The following PELI2 variants were observed in gnomAD, a reference collection of about 807,000 sequenced individuals.
PELI2 encodes the protein pellino E3 ubiquitin protein ligase family member 2.
PELI2 carries 23 observed loss-of-function variants against 42.3 expected under a neutral mutation model. That is an observed-to-expected ratio of 0.54 (90% CI 0.39 to 0.77). The LOEUF is 0.77. Among genes scored for constraint, PELI2 ranks in the 30% least tolerant of loss-of-function variants. The pLI is 0.00. For synonymous variants in PELI2, 245 were observed against 212.2 expected, an observed-to-expected ratio of 1.15 and a Z score of -1.34; for missense variants, 463 against 553.2, an observed-to-expected ratio of 0.84 and a Z score of 1.64.
At chr14:56,198,418 A>G (rs1886217816) in intron 2 of PELI2, among the ~76,000 whole-genome samples, 1 of 152,178 alleles carries the variant, frequency 6.6e-6, no homozygotes, top group Non-Finnish European at 1.5e-5. Context: ...AGAGCGTGGC[A>G]TCATGGAGCA....
intron 2 of PELI2, among the ~76,000 whole-genome samples, chr14:56,271,942 C>T (rs1889120779): frequency 6.6e-6 from 1 of 152,162 alleles, no homozygotes; most frequent in Non-Finnish European, 1.5e-5. Flanking sequence ...AAGGCAAGTG[C>T]AGTGGGCAGC....
chr14:56,258,296 C>G (rs191590591), intron 2 of PELI2, among the ~76,000 whole-genome samples: 17 of 151,840 alleles, frequency 1.1e-4, no homozygotes, highest in African/African-American at 1.9e-4. Context: ...ACCGCCCCCC[C>G]ACCCCCGCAA....
chr14:56,217,115 C>T (rs561569143), intron 2 of PELI2, among the ~76,000 whole-genome samples: 1 of 152,286 alleles, frequency 6.6e-6, no homozygotes, highest in East Asian at 1.9e-4. Context: ...TCTTTTGTTA[C>T]ATTATAGTTG....
Position 56,118,602 on chromosome 14 carries a change from C to T in PELI2, c.-59C>T, listed in dbSNP as rs1882936399. On this transcript the variant is annotated 5_prime_UTR_variant, in exon 1 of 6. Coordinates refer to ENST00000267460, the MANE Select transcript of PELI2 (RefSeq NM_021255.3). The stretch of plus-strand genomic sequence containing the variant: ...GATTGTAGCGGCGGCGCGGACTCGG[C>T]GGGGATCGCGGCGGAGGCGGCGGCG... The T allele has an allele frequency of 5.3e-6, 6 of 1,121,940 alleles. No homozygotes were observed. The highest frequency in any genetic ancestry group is 4.2e-5 in the Admixed American group (1 of 23,808). The allele number at this position is 1,121,940 out of a possible 1,614,324, so 69.5% of individuals were successfully genotyped here.
At chr14:56,256,629 T>G (rs1888535540) in intron 2 of PELI2, among the ~76,000 whole-genome samples, 1 of 152,222 alleles carries the variant, frequency 6.6e-6, no homozygotes, top group Non-Finnish European at 1.5e-5. Context: ...AAGTCTGCTT[T>G]TCTTATTTAA....
At chr14:56,138,298 A>C (rs1008242816) in intron 1 of PELI2, among the ~76,000 whole-genome samples, 1 of 152,244 alleles carries the variant, frequency 6.6e-6, no homozygotes, top group African/African-American at 2.4e-5. Context: ...GCCACATCTC[A>C]AAACAGATAG....
intron 2 of PELI2, among the ~76,000 whole-genome samples, chr14:56,200,268 C>G (rs868607104): frequency 6.6e-6 from 1 of 152,274 alleles, no homozygotes; most frequent in Admixed American, 6.5e-5. Flanking sequence ...CAGGTAATAT[C>G]TATGGCCACC....
chr14:56,230,290 C>T, intron 2 of PELI2, among the ~76,000 whole-genome samples: 1 of 152,106 alleles, frequency 6.6e-6, no homozygotes. Context: ...CTCCAAGACA[C>T]ATGATTGTCA....
At chr14:56,202,876 A>G (rs1183689622) in intron 2 of PELI2, among the ~76,000 whole-genome samples, 2 of 152,226 alleles carry the variant, frequency 1.3e-5, no homozygotes, top group African/African-American at 4.8e-5. Flanking sequence ...AAAAATGTCT[A>G]TAACGAAAGA....
rs1054793920 is a variant in PELI2, at chr14:56,297,755, T to C, written c.*589T>C. ...TCTGACTTGTTGGGGGAGAGAATAT[T>C]CATAACTTGTGGGCTTTTTTTTTTT... On this transcript the variant is annotated 3_prime_UTR_variant, in exon 6 of 6. Transcript: ENST00000267460. 3 of 151,682 alleles carry C rather than the reference T, an allele frequency of 2.0e-5. No individual in the cohort carries two copies. Among genetic ancestry groups the C allele is most frequent in the African/African-American group, 7.3e-5 (3 of 41,136 alleles). The allele number at this position is 151,682 out of a possible 1,614,324, so 9.4% of individuals were successfully genotyped here.
intron 1 of PELI2, among the ~76,000 whole-genome samples, chr14:56,158,514 A>G (rs865924503): frequency 2.6e-5 from 4 of 151,142 alleles, no homozygotes; most frequent in African/African-American, 4.9e-5. Context: ...GCTAATTTTT[A>G]TATTTTATTT....
chr14:56,244,659 A>C (rs947332487), intron 2 of PELI2, among the ~76,000 whole-genome samples: 2 of 152,068 alleles, frequency 1.3e-5, no homozygotes, highest in African/African-American at 4.8e-5. Context: ...TCCATCACTG[A>C]ATGTGTATTT....
chr14:56,275,614 T>C (rs1889263782), intron 2 of PELI2, among the ~76,000 whole-genome samples: 1 of 152,174 alleles, frequency 6.6e-6, no homozygotes. Flanking sequence ...GAGAACCTAA[T>C]GCCGCTGCTG....
At chr14:56,207,093 T>G (rs1279043849) in intron 2 of PELI2, among the ~76,000 whole-genome samples, 1 of 152,204 alleles carries the variant, frequency 6.6e-6, no homozygotes, top group East Asian at 1.9e-4. Context: ...AGAGTGAACA[T>G]ACGACTTTAA....
chr14:56,173,644 G>A (rs1885261900), intron 1 of PELI2, among the ~76,000 whole-genome samples: 1 of 152,100 alleles, frequency 6.6e-6, no homozygotes, highest in African/African-American at 2.4e-5. Flanking sequence ...AGGCTCTTAA[G>A]GGGAGAATCT....
chr14:56,271,760 G>A (rs947684761), intron 2 of PELI2, among the ~76,000 whole-genome samples: 3 of 152,144 alleles, frequency 2.0e-5, no homozygotes, highest in Admixed American at 6.5e-5. Context: ...CCAATAGAGC[G>A]TTCAGGACGT....
chr14:56,170,396 T>C (rs988358960), intron 1 of PELI2, among the ~76,000 whole-genome samples: 1 of 152,242 alleles, frequency 6.6e-6, no homozygotes, highest in African/African-American at 2.4e-5. Flanking sequence ...AAAATTCTTA[T>C]TGACAAATAC....
intron 1 of PELI2, among the ~76,000 whole-genome samples, chr14:56,170,431 T>C (rs1885124149): frequency 6.6e-6 from 1 of 152,266 alleles, no homozygotes; most frequent in Non-Finnish European, 1.5e-5. Flanking sequence ...GACATCTTTT[T>C]AAGACTCCAT....
At chr14:56,280,971 A>G (rs182532848) in intron 3 of PELI2, among the ~76,000 whole-genome samples, 33 of 152,248 alleles carry the variant, frequency 2.2e-4, no homozygotes, top group African/African-American at 7.9e-4. Flanking sequence ...AAAATACCAA[A>G]TGAATTAATA....
Sources: allele counts gnomAD v4.1 joint callset (sites outside exome capture counted in the v4.1 genomes callset), GRCh38; gene constraint gnomAD v4.1.1; transcripts MANE v1.5; gene names NCBI Gene and HGNC (gene_info 2026-07-23, HGNC 2026-07-21).